ADAMTS10: variants seen among roughly 807,000 people sequenced by gnomAD.
ADAMTS10 encodes ADAM metallopeptidase with thrombospondin type 1 motif 10, also known as A disintegrin and metalloproteinase with thrombospondin motifs 10.
In ADAMTS10, 48 loss-of-function variants were observed where a neutral mutation model predicts 135.9. That is an observed-to-expected ratio of 0.35 (90% CI 0.28 to 0.45). ADAMTS10 has a LOEUF of 0.45. Among genes scored for constraint, ADAMTS10 ranks in the 20% least tolerant of loss-of-function variants. ADAMTS10 has a pLI of 1.00. For synonymous variants in ADAMTS10, 621 were observed against 647.5 expected (o/e 0.96, Z 0.62); for missense variants, 1,131 against 1,565.2 (o/e 0.72, Z 4.68).
intron 25 of ADAMTS10, among the ~76,000 whole-genome samples, chr19:8,584,548 C>G (rs62119438): frequency 6.6e-6 from 1 of 152,162 alleles, no homozygotes; most frequent in Non-Finnish European, 1.5e-5. Context: ...CGGCAATCAT[C>G]TAGCTCAAAA....
intron 6 of ADAMTS10, 142 bp downstream of exon 6, chr19:8,600,786 C>T (rs1191961761): frequency 1.3e-5 from 14 of 1,039,870 alleles, no homozygotes; most frequent in Non-Finnish European, 1.9e-5. Flanking sequence ...GTGTGAGCCA[C>T]CGCGCCCGGC....
intron 6 of ADAMTS10, among the ~76,000 whole-genome samples, chr19:8,598,405 C>T (rs1469063013): frequency 6.6e-6 from 1 of 151,832 alleles, no homozygotes; most frequent in Non-Finnish European, 1.5e-5. Flanking sequence ...TGCCCATCAC[C>T]ACAGGAAAGT....
At chr19:8,608,529 G>C (rs553672467) in intron 1 of ADAMTS10, among the ~76,000 whole-genome samples, 1 of 151,954 alleles carries the variant, frequency 6.6e-6, no homozygotes, top group Non-Finnish European at 1.5e-5. Flanking sequence ...TCTGACCCCC[G>C]CTCCTGCCCT....
At chr19:8,607,057 T>G (rs1410987757) in intron 2 of ADAMTS10, among the ~76,000 whole-genome samples, 1 of 151,526 alleles carries the variant, frequency 6.6e-6, no homozygotes, top group South Asian at 2.1e-4. Context: ...CCAGACAGGG[T>G]GGGTGCAGGA....
intron 25 of ADAMTS10, 165 bp from the exon 26 acceptor site, chr19:8,581,167 T>G (rs2042345242): frequency 2.3e-6 from 1 of 433,354 alleles, no homozygotes; most frequent in Non-Finnish European, 4.0e-6. Flanking sequence ...TTTACAGATG[T>G]TATCTTGCTA....
At chr19:8,584,757 A>C in intron 25 of ADAMTS10, 138 bp downstream of exon 25, 1 of 1,271,616 alleles carries the variant, frequency 7.9e-7, no homozygotes, top group Non-Finnish European at 1.1e-6. Context: ...GGGGATGGTG[A>C]AGGATGGCCT....
chr19:8,603,719 C>T lies in ADAMTS10; in HGVS notation c.592+9G>A. 2 of 1,614,146 alleles carry T rather than the reference C, an allele frequency of 1.2e-6. No homozygotes were observed. Among genetic ancestry groups the T allele is most frequent in the Non-Finnish European group, 1.7e-6 (2 of 1,180,022 alleles). ...AGCCCTCTGCCCATCCCCAGAAAGA[C>T]CGATGTACCTCTCACTCCACAGGCT... On this transcript the variant is annotated intron_variant, in intron 5 of 25. Transcript: ENST00000597188.
rs142602984 is a variant in ADAMTS10, at chr19:8,589,566, C to G, written c.1920G>C (p.Ser640=). Residue 640 remains serine, a synonymous_variant, in exon 17 of 26, where the codon TCG becomes TCC. Transcript: ENST00000597188. The stretch of plus-strand genomic sequence containing the variant: ...TGAAGCCTTCCGCTAGGCACGTGAG[C>G]GAGCAGGCCTTCACGCCCCCTGGGG... ...TYRGGGVKAC[S]LTCLAEGFNF... The G allele has an allele frequency of 2.5e-6, 4 of 1,613,288 alleles. No homozygotes were observed. In the East Asian group the frequency reaches 8.9e-5, roughly 36 times the overall value.
Position 8,603,819 on chromosome 19 carries a change from A to G in ADAMTS10, c.501T>C (p.Gly167=). ...LIEPLHGGPK[G]SRSPEESGPH... is the part of the protein sequence containing the mutation. ...GTCCACTTTCCTCCGGGCTCCGAGA[A>G]CCCTTGGGCCCACCGTGCAGGGGCT... Residue 167 remains glycine, a synonymous_variant, in exon 5 of 26, where the codon GGT becomes GGC. Coordinates refer to ENST00000597188, the MANE Select transcript of ADAMTS10 (RefSeq NM_030957.4). 1 of 1,613,632 alleles carries G rather than the reference A, an allele frequency of 6.2e-7. No individual in the cohort carries two copies. The highest frequency in any genetic ancestry group is 8.5e-7 in the Non-Finnish European group (1 of 1,179,902).
rs782151682 is a variant in ADAMTS10, at chr19:8,605,667, C to T, written c.44G>A (p.Gly15Glu). ...CQILRWALAL[G>E]LGLMFEVTHA... ...CGTGACCTCGAACATGAGGCCCAGC[C>T]CCAGGGCGAGGGCCCAGCGGAGGAT... Residue 15 changes from glycine (G) to glutamate (E), a missense_variant, in exon 3 of 26, where the codon GGG becomes GAG. Transcript: ENST00000597188. The surrounding 1 kb of genome is among the most constrained non-coding windows in gnomAD (Gnocchi z 7.7). 4 of 1,613,556 alleles carry T rather than the reference C, an allele frequency of 2.5e-6. No homozygotes were observed. Among genetic ancestry groups the T allele is most frequent in the South Asian group, 1.1e-5 (1 of 91,034 alleles).
intron 25 of ADAMTS10, 92 bp downstream of exon 25, chr19:8,584,803 A>G: frequency 1.3e-6 from 2 of 1,500,556 alleles, no homozygotes; most frequent in Non-Finnish European, 1.8e-6. Flanking sequence ...GAGGTTCCAG[A>G]AGTTCTAGGA....
intron 18 of ADAMTS10, 136 bp downstream of exon 18, chr19:8,589,106 T>G: frequency 4.2e-6 from 6 of 1,439,574 alleles, no homozygotes; most frequent in Non-Finnish European, 5.6e-6. Context: ...CCGCAGGACT[T>G]TTGGGGACTC....
At chr19:8,598,033 T>G (rs918015879) in intron 6 of ADAMTS10, among the ~76,000 whole-genome samples, 1 of 151,866 alleles carries the variant, frequency 6.6e-6, no homozygotes, top group Admixed American at 6.6e-5. Context: ...AGGCTGGTCT[T>G]GAACTCCTGA....
intron 6 of ADAMTS10, among the ~76,000 whole-genome samples, chr19:8,600,717 C>A (rs1335331796): frequency 6.6e-6 from 1 of 151,976 alleles, no homozygotes; most frequent in Admixed American, 6.6e-5. Flanking sequence ...CCAGGATGGT[C>A]TCCATCTCCT....
In ADAMTS10 at chr19:8,585,254, C is replaced by A. The variant is rs1555736664; in HGVS notation, c.2920G>T (p.Ala974Ser). The A allele has an allele frequency of 3.4e-6, 5 of 1,491,048 alleles. No individual in the cohort carries two copies. Among genetic ancestry groups the A allele is most frequent in the Middle Eastern group, 1.8e-4 (1 of 5,564 alleles). 92.4% of individuals were successfully genotyped at this position (1,491,048 alleles called of 1,614,324 possible). ...LRHRVVLCKS[A>S]DHRATLPPAH... ...GGGGGCAGCGTGGCGCGGTGGTCTG[C>A]GCTCTTGCAAAGGACCACGCGGTGG... The change falls in exon 24 of 26, where the codon GCA becomes TCA. Residue 974 changes from alanine (A) to serine (S), a missense_variant. Transcript: ENST00000597188.
intron 15 of ADAMTS10, among the ~76,000 whole-genome samples, chr19:8,591,249 G>A (rs373448704): frequency 2.0e-4 from 30 of 152,028 alleles, no homozygotes; most frequent in African/African-American, 7.2e-4. Context: ...GGGCCAAGCA[G>A]TGATTTCAAG....
At chr19:8,587,333 CTTTTT>C (rs559435857) in intron 18 of ADAMTS10, among the ~76,000 whole-genome samples, 17 of 77,470 alleles carry the variant, frequency 2.2e-4, no homozygotes, top group Admixed American at 4.0e-4. Flanking sequence ...ACTAAAAAAC[CTTTTT>C]TTTTTTTTTT....
chr19:8,588,105 CG>C (rs1469858946), intron 18 of ADAMTS10, among the ~76,000 whole-genome samples: 1 of 151,588 alleles, frequency 6.6e-6, no homozygotes, highest in African/African-American at 2.4e-5. Flanking sequence ...AAAAATTAGC[CG>C]GGCATGTAGT....
At chr19:8,589,720 C>A (rs1248118529) in intron 16 of ADAMTS10, 135 bp from the exon 17 acceptor site, 2 of 1,469,776 alleles carry the variant, frequency 1.4e-6, no homozygotes, top group South Asian at 1.2e-5. Flanking sequence ...GGAGTGGGGG[C>A]TCCCAGCGTC....
Sources: gnomAD v4.1 joint callset for allele counts (sites outside exome capture counted in the v4.1 genomes callset) on GRCh38, gnomAD v4.1.1 for gene constraint, Gnocchi (gnomAD v3.1) non-coding constraint, MANE v1.5 for transcripts, NCBI Gene and HGNC (gene_info 2026-07-23, HGNC 2026-07-21) for gene names.